Variants in SLC67A2 observed in about 807,000 individuals in gnomAD.
The protein encoded by SLC67A2 is solute carrier family 67 member 2, also known as solute carrier family 67 member A2.
chr2:102,729,233 A>C, the SLC67A2 span, among the ~76,000 whole-genome samples: 4 of 152,310 alleles, frequency 2.6e-5, no homozygotes, highest in Non-Finnish European at 4.4e-5. Context: ...CAAACATAAA[A>C]CAACAAAGGA....
At chr2:102,718,833 C>T in the SLC67A2 span, 24 of 1,613,908 alleles carry the variant, frequency 1.5e-5, 1 homozygote, top group East Asian at 4.9e-4. Flanking sequence ...GGCCCCAGGG[C>T]AAGGCCGGCC....
At chr2:102,733,507 A>C in the SLC67A2 span, among the ~76,000 whole-genome samples, 1 of 152,174 alleles carries the variant, frequency 6.6e-6, no homozygotes, top group Non-Finnish European at 1.5e-5. Context: ...CTGTTATCTA[A>C]TATCAAGTGA....
At chr2:102,724,041 C>T in the SLC67A2 span, 1 of 719,230 alleles carries the variant, frequency 1.4e-6, no homozygotes, top group South Asian at 1.7e-5. Context: ...CTATGCTCAC[C>T]ACTATACCAC....
the SLC67A2 span, chr2:102,736,740 T>C: frequency 6.2e-7 from 1 of 1,613,864 alleles, no homozygotes; most frequent in Non-Finnish European, 8.5e-7. Context: ...CTTCTGCTCC[T>C]GTTTCCGCTC....
At chr2:102,725,906 C>T in the SLC67A2 span, among the ~76,000 whole-genome samples, 2 of 152,136 alleles carry the variant, frequency 1.3e-5, no homozygotes, top group African/African-American at 4.8e-5. Flanking sequence ...ATGCCCCTGA[C>T]TTGTCAAGCA....
At chr2:102,717,617 C>T in the SLC67A2 span, 7 of 152,454 alleles carry the variant, frequency 4.6e-5, no homozygotes, top group East Asian at 1.1e-3. Context: ...GCTGCTCCAT[C>T]ATGCAGTACA....
the SLC67A2 span, among the ~76,000 whole-genome samples, chr2:102,724,849 C>T: frequency 1.2e-4 from 19 of 152,328 alleles, no homozygotes; most frequent in South Asian, 2.1e-4. Context: ...GTGTGCCTGA[C>T]GGCCAGCCTT....
the SLC67A2 span, among the ~76,000 whole-genome samples, chr2:102,731,538 TAC>T: frequency 6.6e-6 from 1 of 152,234 alleles, no homozygotes; most frequent in African/African-American, 2.4e-5. Context: ...ATATTTTTTT[TAC>T]AGAGCTCTTT....
chr2:102,722,395 C>T, the SLC67A2 span, among the ~76,000 whole-genome samples: 2 of 152,352 alleles, frequency 1.3e-5, no homozygotes, highest in African/African-American at 2.4e-5. Flanking sequence ...CCATCACCTA[C>T]CACTGTGCCA....
the SLC67A2 span, chr2:102,731,138 A>C: frequency 7.6e-7 from 1 of 1,311,970 alleles, no homozygotes; most frequent in Non-Finnish European, 1.1e-6. Flanking sequence ...TGTGATAACA[A>C]TTACACAGAA....
chr2:102,724,562 A>T, the SLC67A2 span, among the ~76,000 whole-genome samples: 1 of 152,222 alleles, frequency 6.6e-6, no homozygotes, highest in African/African-American at 2.4e-5. Context: ...TTTGACTCCT[A>T]TGTCCCTAGA....
chr2:102,727,901 G>C, the SLC67A2 span, among the ~76,000 whole-genome samples: 1 of 152,094 alleles, frequency 6.6e-6, no homozygotes, highest in Non-Finnish European at 1.5e-5. Flanking sequence ...CTTTTTTCCT[G>C]ATAATTTTTT....
chr2:102,727,120 A>C, the SLC67A2 span: 7 of 805,776 alleles, frequency 8.7e-6, no homozygotes, highest in Non-Finnish European at 1.3e-5. Context: ...GCCATTTGTC[A>C]GAGTAAGTTA....
the SLC67A2 span, chr2:102,723,838 G>T: frequency 2.5e-6 from 4 of 1,614,094 alleles, no homozygotes; most frequent in Non-Finnish European, 3.4e-6. Context: ...CCGATTACAA[G>T]CGGCCGTTCC....
the SLC67A2 span, chr2:102,736,710 G>C: frequency 6.2e-7 from 1 of 1,613,644 alleles, no homozygotes; most frequent in Admixed American, 1.7e-5. Context: ...GGAGTCGGCA[G>C]CCTCCGCCTC....
chr2:102,716,046 A>G, the SLC67A2 span: 3 of 152,318 alleles, frequency 2.0e-5, no homozygotes, highest in South Asian at 6.2e-4. Context: ...GTCACACTTT[A>G]AAGAGGAAGA....
the SLC67A2 span, among the ~76,000 whole-genome samples, chr2:102,728,339 T>G: frequency 1.3e-5 from 2 of 152,082 alleles, no homozygotes; most frequent in African/African-American, 4.8e-5. Flanking sequence ...TCAGTGATGT[T>G]CCACAACCAT....
At chr2:102,717,753 G>A in the SLC67A2 span, 1 of 152,690 alleles carries the variant, frequency 6.5e-6, no homozygotes, top group East Asian at 1.9e-4. Context: ...TGCAGTCTCA[G>A]TGTGGTCTTT....
the SLC67A2 span, chr2:102,723,750 C>T: frequency 1.2e-6 from 2 of 1,614,086 alleles, no homozygotes; most frequent in Non-Finnish European, 1.7e-6. Context: ...GAGATAAAAC[C>T]CATCCTCTAA....
Sources: allele counts gnomAD v4.1 joint callset (sites outside exome capture counted in the v4.1 genomes callset), GRCh38; gene constraint gnomAD v4.1.1; transcripts MANE v1.5; gene names NCBI Gene and HGNC (gene_info 2026-07-23, HGNC 2026-07-21).